The following HDAC9 variants were observed in gnomAD, a reference collection of about 807,000 sequenced individuals.
HDAC9 encodes the protein MEF-2 interacting transcription repressor (MITR) protein.
In HDAC9, 41 loss-of-function variants were observed where a neutral mutation model predicts 139.4. That is an observed-to-expected ratio of 0.29 (90% CI 0.23 to 0.38). The LOEUF is 0.38. HDAC9 is among the 10% of genes least tolerant of loss of function. HDAC9 has a pLI of 1.00. For synonymous variants in HDAC9, 517 were observed against 476.2 expected (o/e 1.09, Z -1.12); for missense variants, 1,147 against 1,297.0 (o/e 0.88, Z 1.78).
In HDAC9 at chr7:18,720,967, C is replaced by T. The variant is rs115233989; in HGVS notation, c.1732-6613C>T. On this transcript the variant is annotated intron_variant, in intron 12 of 25. Transcript: ENST00000686413. ...AGTGCTGCGATTATAGTGTGAGCCGCTGTGCCCAGCCTATTTTTATTTTCT... is the reference window on the plus strand; with the variant it reads ...AGTGCTGCGATTATAGTGTGAGCCGTTGTGCCCAGCCTATTTTTATTTTCT... Among the ~76,000 whole-genome samples, 969 of 152,248 alleles carry T rather than the reference C, an allele frequency of 6.4e-3. 8 individuals carry two copies. The highest frequency in any genetic ancestry group is 0.022 in the African/African-American group (914 of 41,548).
chr7:18,312,301 C>T (rs909937872), intron 1 of HDAC9, among the ~76,000 whole-genome samples: 2 of 152,140 alleles, frequency 1.3e-5, no homozygotes, highest in Admixed American at 6.6e-5. Flanking sequence ...TTCCTAGAAA[C>T]AATCACTGTT....
At chr7:18,853,373 G>T (rs573994108) in intron 21 of HDAC9, among the ~76,000 whole-genome samples, 5 of 152,088 alleles carry the variant, frequency 3.3e-5, no homozygotes, top group Middle Eastern at 3.4e-3. Context: ...GAGTTTGGGG[G>T]TTTCTTACCA....
intron 22 of HDAC9, among the ~76,000 whole-genome samples, chr7:18,908,695 C>A (rs966929016): frequency 6.6e-6 from 1 of 151,998 alleles, no homozygotes; most frequent in East Asian, 1.9e-4. Flanking sequence ...GTTCTCTTGG[C>A]TCATCTAGAG....
At chr7:18,099,180 C>T (rs1782693460) in intron 1 of HDAC9, among the ~76,000 whole-genome samples, 1 of 152,178 alleles carries the variant, frequency 6.6e-6, no homozygotes, top group African/African-American at 2.4e-5. Context: ...TAAAGTTCAT[C>T]TGGGTGTGTT....
intron 2 of HDAC9, among the ~76,000 whole-genome samples, chr7:18,534,663 A>G (rs1810267340): frequency 6.6e-6 from 1 of 152,174 alleles, no homozygotes. Flanking sequence ...CTTCTACTTG[A>G]AGGCAACGTG....
At chr7:18,355,390 A>G (rs1221874115) in intron 1 of HDAC9, among the ~76,000 whole-genome samples, 1 of 152,142 alleles carries the variant, frequency 6.6e-6, no homozygotes, top group Non-Finnish European at 1.5e-5. Context: ...CAGAACTAGC[A>G]TGTTCTTCAG....
At chr7:18,461,257 T>C (rs917229748) in intron 1 of HDAC9, among the ~76,000 whole-genome samples, 1 of 152,196 alleles carries the variant, frequency 6.6e-6, no homozygotes, top group Non-Finnish European at 1.5e-5. Context: ...CATAGATTGA[T>C]CCTATTACAA....
intron 19 of HDAC9, among the ~76,000 whole-genome samples, chr7:18,832,538 C>T (rs1173619436): frequency 1.3e-5 from 2 of 152,140 alleles, no homozygotes; most frequent in Non-Finnish European, 2.9e-5. Flanking sequence ...ATCTTAGATA[C>T]AAGGTCTATT....
At chr7:18,782,949 A>G (rs1441381788) in intron 16 of HDAC9, among the ~76,000 whole-genome samples, 2 of 152,258 alleles carry the variant, frequency 1.3e-5, no homozygotes, top group South Asian at 2.1e-4. Flanking sequence ...ATAAGGTGCC[A>G]TTGCACCAAA....
chr7:18,633,860 C>T (rs1428307792), intron 7 of HDAC9, among the ~76,000 whole-genome samples: 2 of 151,950 alleles, frequency 1.3e-5, no homozygotes, highest in African/African-American at 2.4e-5. Context: ...TTAGTTTCTG[C>T]ATAAGTTGAG....
At chr7:18,690,269 C>A (rs1427210659) in intron 12 of HDAC9, among the ~76,000 whole-genome samples, 1 of 152,026 alleles carries the variant, frequency 6.6e-6, no homozygotes, top group African/African-American at 2.4e-5. Context: ...CGCCAAGATG[C>A]AACGACTGCA....
intron 1 of HDAC9, among the ~76,000 whole-genome samples, chr7:18,145,976 G>T (rs1055042207): frequency 2.6e-5 from 4 of 152,104 alleles, no homozygotes; most frequent in African/African-American, 9.7e-5. Flanking sequence ...TATTTCTCTG[G>T]AAAAAGGGCA....
At chr7:18,107,811 A>G (rs999381208) in intron 1 of HDAC9, among the ~76,000 whole-genome samples, 1 of 152,226 alleles carries the variant, frequency 6.6e-6, no homozygotes, top group Non-Finnish European at 1.5e-5. Flanking sequence ...ATGCAGTGGT[A>G]GATAGTGGCT....
At chr7:18,532,315 G>C (rs1052462960) in intron 2 of HDAC9, among the ~76,000 whole-genome samples, 1 of 151,996 alleles carries the variant, frequency 6.6e-6, no homozygotes, top group Non-Finnish European at 1.5e-5. Flanking sequence ...CCATACTAAG[G>C]CATCACATTT....
At chr7:18,498,636 C>T (rs1178671434) in intron 2 of HDAC9, among the ~76,000 whole-genome samples, 1 of 152,052 alleles carries the variant, frequency 6.6e-6, no homozygotes, top group Non-Finnish European at 1.5e-5. Flanking sequence ...GAAAGGATGC[C>T]TGGCAGCAGT....
chr7:18,154,252 A>G (rs1190543223), intron 1 of HDAC9, among the ~76,000 whole-genome samples: 1 of 152,138 alleles, frequency 6.6e-6, no homozygotes, highest in African/African-American at 2.4e-5. Context: ...TGGTATATTC[A>G]CAAGCAAAGG....
chr7:18,102,575 T>C (rs1229173327), intron 1 of HDAC9, among the ~76,000 whole-genome samples: 1 of 152,174 alleles, frequency 6.6e-6, no homozygotes, highest in African/African-American at 2.4e-5. Context: ...ATTTTAAGAA[T>C]AGAATCTTGA....
intron 2 of HDAC9, among the ~76,000 whole-genome samples, chr7:18,194,504 C>G (rs1790594515): frequency 6.6e-6 from 1 of 152,134 alleles, no homozygotes; most frequent in Admixed American, 6.5e-5. Context: ...TTCCCGTTAT[C>G]CCAAACTGAA....
intron 1 of HDAC9, among the ~76,000 whole-genome samples, chr7:18,398,855 C>T (rs762214394): frequency 6.6e-6 from 1 of 152,034 alleles, no homozygotes; most frequent in Non-Finnish European, 1.5e-5. Context: ...CTAGAGGAAC[C>T]CAAATGCACC....
Sources: gnomAD v4.1 joint callset for allele counts (sites outside exome capture counted in the v4.1 genomes callset) on GRCh38, gnomAD v4.1.1 for gene constraint, MANE v1.5 for transcripts, NCBI Gene and HGNC (gene_info 2026-07-23, HGNC 2026-07-21) for gene names.